EML6: variants seen among roughly 807,000 people sequenced by gnomAD.
The protein encoded by EML6 is EMAP like 6.
In EML6, 154 loss-of-function variants were observed where a neutral mutation model predicts 240.1. The ratio of observed to expected loss-of-function variants is 0.64; its 90% CI spans 0.56 to 0.73. The LOEUF (loss-of-function observed/expected upper bound fraction) is 0.73. Ranked by LOEUF, EML6 falls within the 30% of genes least tolerant of loss-of-function variation. The pLI, the probability that EML6 is intolerant of heterozygous loss-of-function variation, is 0.00. For synonymous variants in EML6, 1,148 were observed against 899.0 expected (o/e 1.28, Z -4.95); for missense variants, 2,964 against 2,474.6 (o/e 1.20, Z -4.20).
At chr2:54,813,446 A>T in intron 3 of EML6, 55 bp downstream of exon 3, 1 of 1,389,858 alleles carries the variant, frequency 7.2e-7, no homozygotes, top group African/African-American at 1.4e-5. Context: ...CTCACTTAAA[A>T]CTATAATAGG....
intron 2 of EML6, among the ~76,000 whole-genome samples, chr2:54,787,995 C>T (rs1035843866): frequency 6.6e-5 from 10 of 152,106 alleles, no homozygotes; most frequent in African/African-American, 2.4e-4. Flanking sequence ...CCCAAAAACC[C>T]AGCACACCCC....
At chr2:54,918,375 G>A (rs142275907) in intron 26 of EML6, among the ~76,000 whole-genome samples, 1 of 152,244 alleles carries the variant, frequency 6.6e-6, no homozygotes, top group African/African-American at 2.4e-5. Flanking sequence ...GAATGACAGG[G>A]TTTTGCTGTG....
intron 2 of EML6, among the ~76,000 whole-genome samples, chr2:54,730,733 TAATA>T (rs1006111407): frequency 5.3e-5 from 8 of 152,258 alleles, no homozygotes; most frequent in Admixed American, 2.6e-4. Context: ...CTCTTCTTAT[TAATA>T]AATTATAGTC....
At chr2:54,833,151 A>T (rs1301831224) in intron 7 of EML6, among the ~76,000 whole-genome samples, 1 of 152,248 alleles carries the variant, frequency 6.6e-6, no homozygotes, top group Non-Finnish European at 1.5e-5. Context: ...ATTTAAAAGT[A>T]TTAGCAAAAA....
chr2:54,900,675 C>T (rs1188845067), intron 22 of EML6, among the ~76,000 whole-genome samples: 2 of 152,198 alleles, frequency 1.3e-5, no homozygotes, highest in African/African-American at 4.8e-5. Flanking sequence ...ATTCTTCCTC[C>T]ATCTCTCTAA....
intron 28 of EML6, among the ~76,000 whole-genome samples, chr2:54,948,641 C>A (rs909181800): frequency 3.3e-5 from 5 of 152,200 alleles, no homozygotes; most frequent in African/African-American, 1.2e-4. Flanking sequence ...GGGAGGAGGG[C>A]TGACCCTGAC....
chr2:54,725,263 G>A lies in EML6; in HGVS notation c.197+5G>A. The A allele has an allele frequency of 1.4e-6, 2 of 1,424,756 alleles. No homozygotes were observed. Among genetic ancestry groups the A allele is most frequent in the Non-Finnish European group, 1.9e-6 (2 of 1,077,722 alleles). 88.3% of individuals were successfully genotyped at this position (1,424,756 alleles called of 1,614,324 possible). On this transcript the variant is annotated splice_donor_5th_base_variant and intron_variant, in intron 2 of 41. Transcript: ENST00000356458. This position sits in a 1 kb window ranked among gnomAD's most constrained non-coding sequence, Gnocchi z 4.3. ...ACACAACGACGACATTATCAGGTAAGGGGGTGGCCAGGGGCGGCGGGGAGG... is the reference window on the plus strand; with the variant it reads ...ACACAACGACGACATTATCAGGTAAAGGGGTGGCCAGGGGCGGCGGGGAGG...
chr2:54,835,041 C>T (rs1314707369), intron 7 of EML6, among the ~76,000 whole-genome samples: 2 of 152,048 alleles, frequency 1.3e-5, no homozygotes. Context: ...TGCTCCTTCC[C>T]CTCGCTGCTT....
At chr2:54,859,965 C>G (rs1216874559) in intron 12 of EML6, among the ~76,000 whole-genome samples, 1 of 152,208 alleles carries the variant, frequency 6.6e-6, no homozygotes. Context: ...TAGGAAGCTC[C>G]TGACACTCCC....
At chr2:54,876,834 TG>T (rs1402009765) in intron 16 of EML6, among the ~76,000 whole-genome samples, 1 of 152,196 alleles carries the variant, frequency 6.6e-6, no homozygotes, top group Non-Finnish European at 1.5e-5. Context: ...CATTTCTTTG[TG>T]GTGATAACAT....
At chr2:54,763,064 T>G (rs1212521481) in intron 2 of EML6, among the ~76,000 whole-genome samples, 2 of 152,252 alleles carry the variant, frequency 1.3e-5, no homozygotes, top group Non-Finnish European at 2.9e-5. Flanking sequence ...TTATTATTTA[T>G]GTCTCTTTTC....
At chr2:54,808,509 AC>A (rs946017188) in intron 2 of EML6, among the ~76,000 whole-genome samples, 33 of 149,750 alleles carry the variant, frequency 2.2e-4, no homozygotes, top group African/African-American at 7.8e-4. Flanking sequence ...TCCTGGTGAG[AC>A]TTTTTTTTTT....
intron 17 of EML6, among the ~76,000 whole-genome samples, chr2:54,889,649 C>T (rs1259560436): frequency 6.6e-6 from 1 of 152,004 alleles, no homozygotes; most frequent in African/African-American, 2.4e-5. Context: ...TGTACCTTTA[C>T]TAAAATGTCT....
rs1389553404 is a variant in EML6, at chr2:54,816,961, A to G, written c.456+76A>G. On this transcript the variant is annotated intron_variant, in intron 4 of 41. Coordinates refer to ENST00000356458, the MANE Select transcript of EML6 (RefSeq NM_001039753.4). ...TGTGATATCGCGTCTCAGACTTCTA[A>G]TGTTTTTAACAGTAAATATTTCAGT... is the stretch of plus-strand genomic sequence containing the variant. The G allele has an allele frequency of 6.8e-6, 6 of 879,374 alleles. No homozygotes were observed. In the Admixed American group the frequency reaches 8.2e-5, roughly 12 times the overall value. 54.5% of individuals were successfully genotyped at this position (879,374 alleles called of 1,614,324 possible).
At chr2:54,754,963 T>C (rs1040568232) in intron 2 of EML6, among the ~76,000 whole-genome samples, 1 of 152,230 alleles carries the variant, frequency 6.6e-6, no homozygotes, top group African/African-American at 2.4e-5. Context: ...TAAATGTAGT[T>C]AGTCACATGT....
chr2:54,771,441 T>G (rs1312161868), intron 2 of EML6, among the ~76,000 whole-genome samples: 1 of 152,242 alleles, frequency 6.6e-6, no homozygotes, highest in African/African-American at 2.4e-5. Flanking sequence ...AATCTTTAAA[T>G]TATGCAGCTT....
rs1676835198 is a variant in EML6, at chr2:54,968,234, G to A, written c.5704G>A (p.Asp1902Asn). ...HAGLNIVTGD[D>N]FGLVKLFDFP... ...TGGCCTGAACATTGTCACAGGAGAT[G>A]ACTTTGGGCTGGTGAAGCTCTTTGA... Residue 1902 changes from aspartate to asparagine, a missense_variant, in exon 40 of 42, where the codon GAC (aspartate) becomes AAC (asparagine). Coordinates refer to ENST00000356458, the MANE Select transcript of EML6 (RefSeq NM_001039753.4). The A allele has an allele frequency of 6.4e-7, 1 of 1,551,628 alleles. No individual in the cohort carries two copies. The highest frequency in any genetic ancestry group is 8.7e-7 in the Non-Finnish European group (1 of 1,147,020).
At chr2:54,964,339 A>C (rs909061122) in intron 37 of EML6, among the ~76,000 whole-genome samples, 181 bp downstream of exon 37, 1 of 152,232 alleles carries the variant, frequency 6.6e-6, no homozygotes, top group African/African-American at 2.4e-5. Flanking sequence ...GCTAATTTCC[A>C]TAAAAGTGTG....
At chr2:54,870,525 C>G (rs186042193) in intron 15 of EML6, among the ~76,000 whole-genome samples, 1 of 152,200 alleles carries the variant, frequency 6.6e-6, no homozygotes, top group Non-Finnish European at 1.5e-5. Flanking sequence ...GTCCCTCCAA[C>G]TGAAAATTAG....
Sources: allele counts gnomAD v4.1 joint callset (sites outside exome capture counted in the v4.1 genomes callset), GRCh38; gene constraint gnomAD v4.1.1; non-coding constraint Gnocchi (gnomAD v3.1); transcripts MANE v1.5; gene names NCBI Gene and HGNC (gene_info 2026-07-23, HGNC 2026-07-21).